Variants in FHIT observed in about 807,000 individuals in gnomAD.
FHIT encodes the protein fragile histidine triad diadenosine triphosphatase.
In FHIT, 19 loss-of-function variants were observed where a neutral mutation model predicts 17.9. That is an observed-to-expected ratio of 1.06 (90% confidence interval 0.74 to 1.56). The LOEUF is 1.56. FHIT is among the 40% of genes most tolerant of loss of function. The probability of loss-of-function intolerance (pLI) is 0.00; values close to 1 mark genes in which losing one functional copy is unlikely to be tolerated. For synonymous variants in FHIT, 81 were observed against 69.7 expected, an observed-to-expected ratio of 1.16 and a Z score of -0.81; for missense variants, 248 against 189.2, an observed-to-expected ratio of 1.31 and a Z score of -1.82.
intron 5 of FHIT, among the ~76,000 whole-genome samples, chr3:60,275,444 T>C (rs929174441): frequency 1.3e-5 from 2 of 152,182 alleles, no homozygotes; most frequent in Non-Finnish European, 2.9e-5. Flanking sequence ...TCCTAATTTA[T>C]CCATTTTGAG....
In FHIT at chr3:60,652,909, CAAACAAAACAAAACA is replaced by C. The variant is rs57749384; in HGVS notation, c.-17-115945_-17-115931del. On this transcript the variant is annotated intron_variant, in intron 4 of 9. Coordinates refer to ENST00000492590, the MANE Select transcript of FHIT (RefSeq NM_002012.4). ...TGGGCAACAGAGTGAAAGTTCATCT[CAAACAAAACAAAACA>C]AAACAAAACAAAACAAAACAAAACA... 1.5e-3 allele frequency among the ~76,000 whole-genome samples: 204 copies of C among 139,258 alleles called. 2 individuals carry two copies. The South Asian group carries it at 0.016, about 11-fold the overall frequency. The allele number at this position is 139,258 out of a possible 152,430, so 91.4% of individuals were successfully genotyped here. A position where few individuals can be genotyped will look rare whatever the true frequency, so the allele number is the denominator to read the frequency against.
chr3:60,279,043 A>T (rs1336552707), intron 5 of FHIT, among the ~76,000 whole-genome samples: 1 of 152,138 alleles, frequency 6.6e-6, no homozygotes, highest in Non-Finnish European at 1.5e-5. Context: ...TTAGAGCAGA[A>T]ATCAATTACA....
chr3:59,935,679 A>G (rs1180769697), intron 7 of FHIT, among the ~76,000 whole-genome samples: 1 of 150,678 alleles, frequency 6.6e-6, no homozygotes, highest in African/African-American at 2.4e-5. Flanking sequence ...GGGTGAATGG[A>G]TGGGTGGATG....
chr3:60,287,468 C>A (rs539726699), intron 5 of FHIT, among the ~76,000 whole-genome samples: 3 of 152,300 alleles, frequency 2.0e-5, no homozygotes, highest in Admixed American at 2.0e-4. Flanking sequence ...CACACCCAGC[C>A]AAAATTTCTG....
At chr3:60,342,298 G>C (rs953170958) in intron 5 of FHIT, among the ~76,000 whole-genome samples, 6 of 152,216 alleles carry the variant, frequency 3.9e-5, no homozygotes, top group Admixed American at 3.9e-4. Context: ...TCAGGCAGCT[G>C]ATCACTCAAT....
At chr3:61,229,314 G>A (rs1375641544) in intron 1 of FHIT, among the ~76,000 whole-genome samples, 4 of 152,170 alleles carry the variant, frequency 2.6e-5, no homozygotes, top group Non-Finnish European at 4.4e-5. Context: ...TTATGTGGGT[G>A]CAAGCCAAAG....
At chr3:60,161,819 G>A (rs992273523) in intron 5 of FHIT, among the ~76,000 whole-genome samples, 2 of 152,134 alleles carry the variant, frequency 1.3e-5, no homozygotes, top group African/African-American at 4.8e-5. Flanking sequence ...GGGCACCTGG[G>A]AAAATCAATG....
intron 5 of FHIT, among the ~76,000 whole-genome samples, chr3:60,523,828 C>A (rs962793206): frequency 6.6e-6 from 1 of 152,152 alleles, no homozygotes; most frequent in Non-Finnish European, 1.5e-5. Context: ...CCACCTGTTA[C>A]TTCTCTCTCT....
intron 7 of FHIT, among the ~76,000 whole-genome samples, chr3:59,977,081 A>G (rs1708447167): frequency 6.6e-6 from 1 of 152,162 alleles, no homozygotes; most frequent in African/African-American, 2.4e-5. Flanking sequence ...GAGCTTGGAT[A>G]TACCCTTCCT....
intron 5 of FHIT, among the ~76,000 whole-genome samples, chr3:60,506,426 G>C (rs1559499561): frequency 6.6e-6 from 1 of 152,194 alleles, no homozygotes; most frequent in Non-Finnish European, 1.5e-5. Context: ...CACGGTTTTA[G>C]AGTCAGTACA....
chr3:60,309,507 T>G (rs184156537), intron 5 of FHIT, among the ~76,000 whole-genome samples: 291 of 152,290 alleles, frequency 1.9e-3, no homozygotes, highest in Middle Eastern at 6.8e-3. Context: ...GCCAAAAGCA[T>G]AGCAAGGAAA....
At chr3:60,234,273 T>C (rs1704653039) in intron 5 of FHIT, among the ~76,000 whole-genome samples, 2 of 152,182 alleles carry the variant, frequency 1.3e-5, no homozygotes, top group Admixed American at 1.3e-4. Context: ...CATGTATATA[T>C]CTGTAGTATT....
At chr3:60,077,681 T>C (rs2472009) in intron 5 of FHIT, among the ~76,000 whole-genome samples, 145,128 of 145,166 alleles carry the variant, frequency 1, 72,545 homozygotes, top group Middle Eastern at 1. Context: ...ATCTACGATT[T>C]TACTTCACAC....
At chr3:60,961,536 T>A (rs1276000898) in intron 3 of FHIT, among the ~76,000 whole-genome samples, 1 of 152,178 alleles carries the variant, frequency 6.6e-6, no homozygotes, top group African/African-American at 2.4e-5. Flanking sequence ...TTGCCTAGGT[T>A]TTCTTCTAGG....
At chr3:61,235,688 C>T (rs901703100) in intron 1 of FHIT, among the ~76,000 whole-genome samples, 3 of 150,592 alleles carry the variant, frequency 2.0e-5, no homozygotes, top group Non-Finnish European at 3.0e-5. Flanking sequence ...GATGACAGAG[C>T]GAGACTCTGT....
chr3:61,105,362 A>G (rs764195878), intron 2 of FHIT, among the ~76,000 whole-genome samples: 1 of 151,908 alleles, frequency 6.6e-6, no homozygotes, highest in Admixed American at 6.6e-5. Context: ...CAACTCATGG[A>G]CTGTGTGCTG....
intron 8 of FHIT, among the ~76,000 whole-genome samples, chr3:59,821,700 C>T (rs527258404): frequency 6.6e-6 from 1 of 152,134 alleles, no homozygotes; most frequent in Non-Finnish European, 1.5e-5. Flanking sequence ...ACCAAAGCAT[C>T]TAGTGCCAAG....
At chr3:61,048,780 G>C (rs2033912499) in intron 2 of FHIT, among the ~76,000 whole-genome samples, 1 of 152,076 alleles carries the variant, frequency 6.6e-6, no homozygotes, top group Non-Finnish European at 1.5e-5. Flanking sequence ...ATACACCATG[G>C]AATACTATGC....
chr3:60,221,353 G>C (rs1243648703), intron 5 of FHIT, among the ~76,000 whole-genome samples: 1 of 152,074 alleles, frequency 6.6e-6, no homozygotes, highest in East Asian at 1.9e-4. Context: ...CAGTACAACA[G>C]GAAGGCCAGT....
Sources: gnomAD v4.1 joint callset for allele counts (sites outside exome capture counted in the v4.1 genomes callset) on GRCh38, gnomAD v4.1.1 for gene constraint, MANE v1.5 for transcripts, NCBI Gene and HGNC (gene_info 2026-07-23, HGNC 2026-07-21) for gene names.